The following ATG7 variants were observed in gnomAD, a reference collection of about 807,000 sequenced individuals.
ATG7 encodes ubiquitin-like modifier-activating enzyme ATG7.
Under a neutral mutation model 82.4 loss-of-function variants are expected in ATG7, and 70 were observed. The ratio of observed to expected loss-of-function variants is 0.85; its 90% CI spans 0.70 to 1.04. The LOEUF (loss-of-function observed/expected upper bound fraction) is 1.04. Among genes scored for constraint, ATG7 ranks in the 50% least tolerant of loss-of-function variants. ATG7 has a pLI of 0.00. For missense variants in ATG7, 792 were observed against 864.3 expected (o/e 0.92, Z 1.05); for synonymous variants, 287 against 313.0 (o/e 0.92, Z 0.88).
chr3:11,338,328 T>C (rs1952885256), intron 11 of ATG7, among the ~76,000 whole-genome samples: 1 of 152,230 alleles, frequency 6.6e-6, no homozygotes, highest in South Asian at 2.1e-4. Flanking sequence ...ATGGTGTGTG[T>C]GTACCACATT....
At chr3:11,314,293 T>C (rs955953473) in intron 8 of ATG7, among the ~76,000 whole-genome samples, 1 of 152,228 alleles carries the variant, frequency 6.6e-6, no homozygotes, top group African/African-American at 2.4e-5. Flanking sequence ...GCAAAGATTA[T>C]GTGTCAAGAT....
chr3:11,412,413 ACT>A (rs2080998399), intron 19 of ATG7, among the ~76,000 whole-genome samples: 1 of 152,062 alleles, frequency 6.6e-6, no homozygotes, highest in Admixed American at 6.5e-5. Context: ...GGTTGGTTTC[ACT>A]TTTTTTTGTT....
At chr3:11,374,185 C>G (rs975050418) in intron 18 of ATG7, among the ~76,000 whole-genome samples, 1 of 152,174 alleles carries the variant, frequency 6.6e-6, no homozygotes, top group Non-Finnish European at 1.5e-5. Context: ...AGTTGGAGGA[C>G]TCATACTTTC....
the ATG7 span, among the ~76,000 whole-genome samples, chr3:11,569,566 A>G: frequency 4.4e-4 from 67 of 152,236 alleles, no homozygotes; most frequent in Non-Finnish European, 9.1e-4. Flanking sequence ...AAGAGATTCA[A>G]AGGAGGAGGG....
At chr3:11,286,081 T>C (rs1943947642) in intron 3 of ATG7, among the ~76,000 whole-genome samples, 1 of 152,224 alleles carries the variant, frequency 6.6e-6, no homozygotes, top group African/African-American at 2.4e-5. Context: ...AGATCCAGGT[T>C]GTGTATTTTC....
intron 20 of ATG7, among the ~76,000 whole-genome samples, chr3:11,545,468 G>A (rs914968199): frequency 6.6e-6 from 1 of 152,188 alleles, no homozygotes; most frequent in Non-Finnish European, 1.5e-5. Flanking sequence ...GCTCCCGGCT[G>A]GAGAGTCTCC....
chr3:11,569,140 G>A, the ATG7 span, among the ~76,000 whole-genome samples: 1 of 152,176 alleles, frequency 6.6e-6, no homozygotes, highest in East Asian at 1.9e-4. Context: ...AGTGCACTGC[G>A]TCTATTTGAT....
intron 11 of ATG7, among the ~76,000 whole-genome samples, chr3:11,335,723 G>C (rs968794406): frequency 6.6e-6 from 1 of 152,166 alleles, no homozygotes; most frequent in African/African-American, 2.4e-5. Flanking sequence ...TTGAGACAGA[G>C]TCTTGCCCTG....
intron 20 of ATG7, among the ~76,000 whole-genome samples, chr3:11,535,475 C>A (rs1421527806): frequency 6.6e-6 from 1 of 152,130 alleles, no homozygotes; most frequent in Non-Finnish European, 1.5e-5. Context: ...AGGGGCCAGG[C>A]AGGTCTCAGA....
intron 20 of ATG7, 81 bp from the exon 21 acceptor site, chr3:11,554,730 C>T (rs2125076030): frequency 6.5e-7 from 1 of 1,544,348 alleles, no homozygotes; most frequent in South Asian, 1.2e-5. Context: ...GCTGCCATGA[C>T]TGCTGCGGTT....
At chr3:11,474,067 G>C (rs376307589) in intron 20 of ATG7, among the ~76,000 whole-genome samples, 2 of 112,078 alleles carry the variant, frequency 1.8e-5, no homozygotes, top group East Asian at 3.3e-4. Context: ...GTTGAGTTCA[G>C]TTCAGACTTA....
At chr3:11,527,808 C>T (rs1321207764) in intron 20 of ATG7, among the ~76,000 whole-genome samples, 1 of 152,190 alleles carries the variant, frequency 6.6e-6, no homozygotes, top group Non-Finnish European at 1.5e-5. Flanking sequence ...TATATAAGGC[C>T]TTTCAGATGT....
chr3:11,568,458 A>G, the ATG7 span: 1,625 of 1,142,084 alleles, frequency 1.4e-3, 27 homozygotes, highest in Admixed American at 0.025. This position sits in a 1 kb window ranked among gnomAD's most constrained non-coding sequence, Gnocchi z 5.9. Flanking sequence ...CAGCAGGGAG[A>G]AGGGGACTTC....
At chr3:11,531,646 T>C (rs1317715467) in intron 20 of ATG7, among the ~76,000 whole-genome samples, 1 of 152,116 alleles carries the variant, frequency 6.6e-6, no homozygotes, top group Non-Finnish European at 1.5e-5. Flanking sequence ...CCAAGGGAGT[T>C]GGATTGCCTG....
intron 20 of ATG7, among the ~76,000 whole-genome samples, chr3:11,507,962 AC>A (rs1224119140): frequency 6.6e-6 from 1 of 151,590 alleles, no homozygotes; most frequent in East Asian, 1.9e-4. Context: ...TAAAAAAAAA[AC>A]AAAAAAACAA....
At chr3:11,338,173 A>G (rs1952848278) in intron 11 of ATG7, among the ~76,000 whole-genome samples, 1 of 152,080 alleles carries the variant, frequency 6.6e-6, no homozygotes. Flanking sequence ...AGTTCTCATC[A>G]TTTAGCTCCT....
intron 20 of ATG7, among the ~76,000 whole-genome samples, chr3:11,470,925 C>A (rs893268904): frequency 4.6e-5 from 7 of 152,204 alleles, no homozygotes; most frequent in South Asian, 2.1e-4. Flanking sequence ...TAGTCCCCTT[C>A]TCCAGAATTA....
Position 11,298,872 on chromosome 3 carries a change from T to A in ATG7, c.160+17T>A. 1 of 1,613,434 alleles carries A rather than the reference T, an allele frequency of 6.2e-7. No individual in the cohort carries two copies. The highest frequency in any genetic ancestry group is 8.5e-7 in the Non-Finnish European group (1 of 1,179,432). ...ACTACAATGGTAGGTGATTGTAAATTTCATTTTCCATCATCTTCTGTTATC... is the reference window on the plus strand; with the variant it reads ...ACTACAATGGTAGGTGATTGTAAATATCATTTTCCATCATCTTCTGTTATC... On this transcript the variant is annotated intron_variant, in intron 4 of 20. Transcript: ENST00000693202.
chr3:11,384,662 C>T (rs1014382324), intron 19 of ATG7, among the ~76,000 whole-genome samples: 5 of 152,082 alleles, frequency 3.3e-5, no homozygotes, highest in African/African-American at 1.2e-4. Context: ...TTTCTTGTTA[C>T]TTATGAAGCA....
Sources: gnomAD v4.1 joint callset for allele counts (sites outside exome capture counted in the v4.1 genomes callset) on GRCh38, gnomAD v4.1.1 for gene constraint, Gnocchi (gnomAD v3.1) non-coding constraint, MANE v1.5 for transcripts, NCBI Gene and HGNC (gene_info 2026-07-23, HGNC 2026-07-21) for gene names.